Variants in GABRA3 observed in about 807,000 individuals in gnomAD.
GABRA3 encodes the protein gamma-aminobutyric acid receptor subunit alpha-3.
In GABRA3, 10 loss-of-function variants were observed where a neutral mutation model predicts 30.1. That is an observed-to-expected ratio of 0.33 (90% CI 0.20 to 0.56). The LOEUF (loss-of-function observed/expected upper bound fraction) is 0.56, where lower values mean the gene tolerates loss of function less well. Ranked by LOEUF, GABRA3 falls within the 20% of genes least tolerant of loss-of-function variation. The probability of loss-of-function intolerance (pLI) is 0.89; values close to 1 mark genes in which losing one functional copy is unlikely to be tolerated. For synonymous variants in GABRA3, 151 were observed against 146.8 expected (o/e 1.03, Z -0.21); for missense variants, 233 against 392.0 (o/e 0.59, Z 3.42).
intron 4 of GABRA3, among the ~76,000 whole-genome samples, chrX:152,280,796 G>C (rs748823100): frequency 1.8e-5 from 2 of 111,160 alleles, no homozygotes; most frequent in South Asian, 7.7e-4. Flanking sequence ...CTGGCACCTA[G>C]TGGGATCTAA....
At chrX:152,314,442 G>T (rs1249277523) in intron 3 of GABRA3, among the ~76,000 whole-genome samples, 2 of 112,099 alleles carry the variant, frequency 1.8e-5, no homozygotes, top group Non-Finnish European at 3.8e-5. Context: ...TCACTTCCCT[G>T]TGTTAAAACC....
At chrX:152,436,373 G>A (rs1930776875) in intron 1 of GABRA3, among the ~76,000 whole-genome samples, 2 of 111,757 alleles carry the variant, frequency 1.8e-5, no homozygotes. Context: ...TGTTTGGGTA[G>A]CTGCCTGGCC....
At chrX:152,380,825 T>C (rs1268981208) in intron 1 of GABRA3, among the ~76,000 whole-genome samples, 1 of 111,821 alleles carries the variant, frequency 8.9e-6, no homozygotes, top group African/African-American at 3.3e-5. Context: ...GTTATGAATA[T>C]GGTTTGTCTA....
At chrX:152,186,336 C>A (rs888827947) in intron 9 of GABRA3, among the ~76,000 whole-genome samples, 2 of 110,239 alleles carry the variant, frequency 1.8e-5, no homozygotes, top group Non-Finnish European at 3.8e-5. Flanking sequence ...CCCGTCTCAG[C>A]CTCCCAAGTA....
In GABRA3 at chrX:152,168,240, G is replaced by T; in HGVS notation, c.1467C>A (p.Ile489=). The T allele has an allele frequency of 8.3e-7, 1 of 1,209,407 alleles. No homozygotes were observed. Among genetic ancestry groups the T allele is most frequent in the Non-Finnish European group, 1.1e-6 (1 of 893,447 alleles). Residue 489 remains isoleucine, a synonymous_variant, in exon 10 of 10, where the codon ATC becomes ATA. Coordinates refer to ENST00000370314, the MANE Select transcript of GABRA3 (RefSeq NM_000808.4). ...CTGCCACCACTATCTACTGTTTGCG[G>T]ATCATGCCCTTGATAGCTGACTCCC... ...VNRESAIKGM[I]RKQ is the part of the protein sequence containing the mutation.
intron 9 of GABRA3, among the ~76,000 whole-genome samples, chrX:152,175,515 T>C (rs1937062002): frequency 9.0e-6 from 1 of 111,657 alleles, no homozygotes; most frequent in African/African-American, 3.3e-5. Context: ...GGGGGACATG[T>C]AATAAACATA....
chrX:152,348,141 T>A (rs1277223212), intron 2 of GABRA3, among the ~76,000 whole-genome samples: 1 of 112,112 alleles, frequency 8.9e-6, no homozygotes, highest in East Asian at 2.8e-4. Context: ...GCAGATTTAA[T>A]CTGCGACCTA....
chrX:152,348,872 A>G (rs1469705573), intron 2 of GABRA3, among the ~76,000 whole-genome samples: 2 of 112,234 alleles, frequency 1.8e-5, no homozygotes, highest in Non-Finnish European at 3.8e-5. Context: ...TGCTGGTGGA[A>G]GGTTTTGCCT....
intron 5 of GABRA3, among the ~76,000 whole-genome samples, chrX:152,249,458 T>C (rs1256501563): frequency 9.0e-6 from 1 of 111,529 alleles, no homozygotes; most frequent in Non-Finnish European, 1.9e-5. Flanking sequence ...ATACACAGTA[T>C]ATATAATACG....
intron 5 of GABRA3, among the ~76,000 whole-genome samples, chrX:152,238,462 G>A (rs1288225776): frequency 9.4e-6 from 1 of 106,776 alleles, no homozygotes; most frequent in Non-Finnish European, 1.9e-5. Context: ...CTCTTTTTTG[G>A]TTGTGTCTCT....
chrX:152,266,677 C>A (rs1169906079), intron 4 of GABRA3, among the ~76,000 whole-genome samples: 5 of 111,547 alleles, frequency 4.5e-5, no homozygotes, highest in African/African-American at 1.6e-4. Flanking sequence ...GTATCCGAAG[C>A]ATTGCTTGAA....
chrX:152,407,907 T>C (rs1158750057), intron 1 of GABRA3, among the ~76,000 whole-genome samples: 1 of 111,548 alleles, frequency 9.0e-6, no homozygotes, highest in Non-Finnish European at 1.9e-5. Flanking sequence ...AATAAAAGGA[T>C]GTTTCAACAT....
intron 3 of GABRA3, among the ~76,000 whole-genome samples, chrX:152,323,266 T>C (rs1337862086): frequency 8.9e-6 from 1 of 111,757 alleles, no homozygotes; most frequent in Non-Finnish European, 1.9e-5. Context: ...CTGAGCATGT[T>C]TTTTTGTTTG....
At chrX:152,296,049 G>C (rs1362455482) in intron 3 of GABRA3, among the ~76,000 whole-genome samples, 1 of 112,288 alleles carries the variant, frequency 8.9e-6, no homozygotes, top group Non-Finnish European at 1.9e-5. Flanking sequence ...AGACTCTTTA[G>C]TTCCTCACAA....
intron 3 of GABRA3, among the ~76,000 whole-genome samples, chrX:152,318,435 A>G (rs1047008106): frequency 1.8e-5 from 2 of 112,017 alleles, no homozygotes; most frequent in African/African-American, 3.2e-5. Context: ...ACACTATTTA[A>G]CAAGATAGAG....
chrX:152,199,374 A>G, intron 7 of GABRA3, among the ~76,000 whole-genome samples: 1 of 108,865 alleles, frequency 9.2e-6, no homozygotes, highest in Non-Finnish European at 1.9e-5. Flanking sequence ...CAAAAAAAAA[A>G]AAATAAAAAA....
chrX:152,184,502 C>A lies in GABRA3; in HGVS notation c.1143+5228G>T, dbSNP rs542950233. On this transcript the variant is annotated intron_variant, in intron 9 of 9. Coordinates refer to ENST00000370314, the MANE Select transcript of GABRA3 (RefSeq NM_000808.4). Reference sequence around the variant, plus strand: ...ATGCTCAGCTTCTTTAGAAGAGCAACCCTGCTGTTTTTTCCTGGAGAGTAT... The same window carrying A: ...ATGCTCAGCTTCTTTAGAAGAGCAAACCTGCTGTTTTTTCCTGGAGAGTAT... 3.4e-4 allele frequency among the ~76,000 whole-genome samples: 38 copies of A among 111,373 alleles called. 1 individual carries two copies. The South Asian group carries it at 0.014, about 40-fold the overall frequency.
intron 2 of GABRA3, 35 bp downstream of exon 2, chrX:152,364,396 A>G: frequency 8.5e-7 from 1 of 1,179,350 alleles, no homozygotes; most frequent in Non-Finnish European, 1.1e-6. Flanking sequence ...CATTTATCAC[A>G]GTCTTCTTTC....
At chrX:152,172,192 C>A (rs185297165) in intron 9 of GABRA3, among the ~76,000 whole-genome samples, 1 of 111,748 alleles carries the variant, frequency 8.9e-6, no homozygotes, top group Non-Finnish European at 1.9e-5. Context: ...AAATGGCCAA[C>A]AATCACATGA....
Sources: gnomAD v4.1 joint callset for allele counts (sites outside exome capture counted in the v4.1 genomes callset) on GRCh38, gnomAD v4.1.1 for gene constraint, MANE v1.5 for transcripts, NCBI Gene and HGNC (gene_info 2026-07-23, HGNC 2026-07-21) for gene names.